CIMAP1D: variants seen among roughly 807,000 people sequenced by gnomAD.
CIMAP1D encodes CIMAP1 family member D.
chr19:489,027 A>G, the CIMAP1D span: 1 of 151,738 alleles, frequency 6.6e-6, no homozygotes, highest in South Asian at 2.1e-4. Context: ...CGGCCCCGCC[A>G]GCGCGCAAAG....
chr19:469,202 C>T, the CIMAP1D span, among the ~76,000 whole-genome samples: 1 of 150,240 alleles, frequency 6.7e-6, no homozygotes, highest in African/African-American at 2.5e-5. Context: ...TCCCCCAGGA[C>T]TGGAAGAGGC....
At chr19:484,724 AGGGTGGC>A in the CIMAP1D span, among the ~76,000 whole-genome samples, 1 of 152,060 alleles carries the variant, frequency 6.6e-6, no homozygotes, top group Non-Finnish European at 1.5e-5. Context: ...GGAGGAGGCC[AGGGTGGC>A]TGCCGCAGGG....
chr19:478,519 TCCAGCCA>T, the CIMAP1D span, among the ~76,000 whole-genome samples: 1 of 152,324 alleles, frequency 6.6e-6, no homozygotes, highest in East Asian at 1.9e-4. Flanking sequence ...CTGGGGCCCC[TCCAGCCA>T]CCAGTCCCCT....
the CIMAP1D span, among the ~76,000 whole-genome samples, chr19:470,207 CT>C: frequency 0.77 from 88,892 of 115,930 alleles, 33,578 homozygotes; most frequent in East Asian, 0.88. Flanking sequence ...AGGCTAAGTT[CT>C]TTTTTTTTTT....
the CIMAP1D span, among the ~76,000 whole-genome samples, chr19:465,702 TG>T: frequency 1.1e-5 from 1 of 91,940 alleles, no homozygotes; most frequent in Non-Finnish European, 2.1e-5. Context: ...TGTGGGTGGG[TG>T]GGTGGATAGA....
At chr19:477,344 C>T in the CIMAP1D span, among the ~76,000 whole-genome samples, 102,861 of 152,110 alleles carry the variant, frequency 0.68, 35,429 homozygotes, top group Admixed American at 0.74. Context: ...GAGGCCGAGG[C>T]GGGCGGATCA....
At chr19:472,046 G>A in the CIMAP1D span, among the ~76,000 whole-genome samples, 1 of 152,200 alleles carries the variant, frequency 6.6e-6, no homozygotes, top group Non-Finnish European at 1.5e-5. Context: ...GCACCGGCCT[G>A]CTATTGTTAA....
the CIMAP1D span, among the ~76,000 whole-genome samples, chr19:486,342 A>G: frequency 0.07 from 10,694 of 152,056 alleles, 717 homozygotes; most frequent in East Asian, 0.21. Context: ...ATTCTGCCTG[A>G]TACACCCGGT....
At chr19:486,112 G>T in the CIMAP1D span, among the ~76,000 whole-genome samples, 1 of 152,190 alleles carries the variant, frequency 6.6e-6, no homozygotes, top group Admixed American at 6.5e-5. Context: ...CAGCTCTCAG[G>T]CTCTGCTGGG....
At chr19:483,480 C>T in the CIMAP1D span, among the ~76,000 whole-genome samples, 2 of 152,318 alleles carry the variant, frequency 1.3e-5, no homozygotes, top group Non-Finnish European at 1.5e-5. Context: ...ACCCTCGTTC[C>T]AGTGACACGG....
At chr19:476,819 C>T in the CIMAP1D span, among the ~76,000 whole-genome samples, 1 of 152,126 alleles carries the variant, frequency 6.6e-6, no homozygotes, top group Non-Finnish European at 1.5e-5. Context: ...AGAAAATTTT[C>T]AAACTAAATG....
At chr19:486,017 C>T in the CIMAP1D span, among the ~76,000 whole-genome samples, 1 of 152,208 alleles carries the variant, frequency 6.6e-6, no homozygotes, top group Non-Finnish European at 1.5e-5. Flanking sequence ...TTGTTCTTCC[C>T]GCAAGGACAC....
chr19:473,682 T>C, the CIMAP1D span, among the ~76,000 whole-genome samples: 38 of 132,598 alleles, frequency 2.9e-4, no homozygotes, highest in African/African-American at 1.1e-3. Context: ...CAGGCAGAGA[T>C]ACATGGTCAC....
At chr19:490,829 T>C in the CIMAP1D span, among the ~76,000 whole-genome samples, 1 of 152,176 alleles carries the variant, frequency 6.6e-6, no homozygotes, top group Non-Finnish European at 1.5e-5. Context: ...CCAGGCGCGG[T>C]GGCTCACGCC....
At chr19:463,715 G>C in the CIMAP1D span, 12 of 1,345,466 alleles carry the variant, frequency 8.9e-6, no homozygotes, top group Non-Finnish European at 1.2e-5. Context: ...AGAAGGACCT[G>C]GACAGTTCAG....
the CIMAP1D span, chr19:474,730 G>A: frequency 5.8e-5 from 89 of 1,536,644 alleles, 1 homozygote; most frequent in Middle Eastern, 1.1e-3. Context: ...GGGTGGAGTC[G>A]CAGCTGAGGG....
At chr19:479,783 G>GCCTCGGCCTCCCAAAGTGCTGGGATT in the CIMAP1D span, among the ~76,000 whole-genome samples, 1 of 138,460 alleles carries the variant, frequency 7.2e-6, no homozygotes, top group African/African-American at 3.3e-5. Flanking sequence ...TGATCCGCCT[G>GCCTCGGCCTCCCAAAGTGCTGGGATT]CCTCGGCCTC....
chr19:474,929 C>G, the CIMAP1D span: 1 of 479,776 alleles, frequency 2.1e-6, no homozygotes, highest in Admixed American at 4.3e-5. Context: ...GGGGCCCTGG[C>G]CCAAGGCAGG....
At chr19:473,185 G>C in the CIMAP1D span, among the ~76,000 whole-genome samples, 1 of 72,974 alleles carries the variant, frequency 1.4e-5, no homozygotes, top group Non-Finnish European at 2.5e-5. Flanking sequence ...GCCTCCCAGA[G>C]ATACACGGTC....
Sources: allele counts gnomAD v4.1 joint callset (sites outside exome capture counted in the v4.1 genomes callset), GRCh38; gene constraint gnomAD v4.1.1; transcripts MANE v1.5; gene names NCBI Gene and HGNC (gene_info 2026-07-23, HGNC 2026-07-21).